The following SPON1 variants were observed in gnomAD, a reference collection of about 807,000 sequenced individuals.
SPON1 encodes the protein spondin 1.
In SPON1, 52 loss-of-function variants were observed where a neutral mutation model predicts 111.7. That is an observed-to-expected ratio of 0.47 (90% CI 0.37 to 0.59). The LOEUF is 0.59. SPON1 is among the 20% of genes least tolerant of loss of function. The probability of loss-of-function intolerance (pLI) is 0.00; values close to 1 mark genes in which losing one functional copy is unlikely to be tolerated. For missense variants in SPON1, 957 were observed against 1,068.5 expected (o/e 0.90, Z 1.46); for synonymous variants, 410 against 395.8 (o/e 1.04, Z -0.43).
At chr11:14,091,698 C>T (rs1363117525) in intron 5 of SPON1, among the ~76,000 whole-genome samples, 3 of 152,270 alleles carry the variant, frequency 2.0e-5, no homozygotes, top group Admixed American at 1.3e-4. Flanking sequence ...CCGGTTCTCG[C>T]TCGCACCTTT....
intron 1 of SPON1, among the ~76,000 whole-genome samples, chr11:13,980,684 A>T (rs1257131434): frequency 6.6e-6 from 1 of 152,218 alleles, no homozygotes; most frequent in East Asian, 1.9e-4. Context: ...CCCCTCTTTA[A>T]CAGGAGGCTG....
Position 14,153,708 on chromosome 11 carries a change from G to T in SPON1, c.825+18140G>T, listed in dbSNP as rs1554930123. Among the ~76,000 whole-genome samples, 3 of 152,254 alleles carry T rather than the reference G, an allele frequency of 2.0e-5. No individual in the cohort carries two copies. The South Asian group carries it at 6.2e-4, about 32-fold the overall frequency. On this transcript the variant is annotated intron_variant, in intron 6 of 15. Coordinates refer to ENST00000576479, the MANE Select transcript of SPON1 (RefSeq NM_006108.4). ...CATGCCTTCCCAACAGTCTCCCAAA[G>T]TCTTAACTCATTCCAGATTAATTCA...
rs1447959497 is a variant in SPON1, at chr11:14,252,318, CAG to C, written c.891-2207_891-2206del. Among the ~76,000 whole-genome samples the C allele has an allele frequency of 4.0e-5, 6 of 148,596 alleles. No homozygotes were observed. In the East Asian group the frequency reaches 6.1e-4, roughly 15 times the overall value. On this transcript the variant is annotated intron_variant, in intron 7 of 15. Coordinates refer to ENST00000576479, the MANE Select transcript of SPON1 (RefSeq NM_006108.4). Reference sequence around the variant, plus strand: ...GCCTCAGCCGAAGGCAAGACCTGCGCAGAGTGTGGGAATCCAGCGCTATGTAT... The same window carrying C: ...GCCTCAGCCGAAGGCAAGACCTGCGCAGTGTGGGAATCCAGCGCTATGTAT...
chr11:14,217,957 A>T (rs10741642), intron 6 of SPON1, among the ~76,000 whole-genome samples: 71,385 of 151,920 alleles, frequency 0.47, 17,462 homozygotes, highest in Middle Eastern at 0.58. Flanking sequence ...GCCCCAGCCT[A>T]CACCTACTGA....
chr11:14,258,105 T>C (rs1849130388), intron 11 of SPON1, among the ~76,000 whole-genome samples: 1 of 152,242 alleles, frequency 6.6e-6, no homozygotes, highest in African/African-American at 2.4e-5. Flanking sequence ...ATTCTTGAGA[T>C]TGACCACCCC....
At chr11:14,125,966 G>A (rs1554926961) in intron 5 of SPON1, among the ~76,000 whole-genome samples, 1 of 152,180 alleles carries the variant, frequency 6.6e-6, no homozygotes, top group East Asian at 1.9e-4. Flanking sequence ...GAAGACCCAG[G>A]AAAAGCCAGT....
At chr11:14,082,905 G>A (rs1325660910) in intron 5 of SPON1, among the ~76,000 whole-genome samples, 1 of 152,056 alleles carries the variant, frequency 6.6e-6, no homozygotes, top group East Asian at 1.9e-4. Context: ...CCAAAACACT[G>A]CTTTCTCTAC....
chr11:14,256,408 C>A (rs1174510854), intron 9 of SPON1, among the ~76,000 whole-genome samples: 7 of 152,166 alleles, frequency 4.6e-5, no homozygotes, highest in African/African-American at 1.7e-4. Context: ...GTGGTGGTAC[C>A]CAAGTTATGT....
intron 2 of SPON1, among the ~76,000 whole-genome samples, chr11:13,986,989 C>A (rs1473959944): frequency 2.0e-5 from 3 of 152,078 alleles, no homozygotes; most frequent in Non-Finnish European, 2.9e-5. Flanking sequence ...TTGGTTCCAA[C>A]TTTTTGCTAT....
chr11:13,989,700 T>C (rs1848212777), intron 2 of SPON1, among the ~76,000 whole-genome samples: 1 of 152,250 alleles, frequency 6.6e-6, no homozygotes, highest in Admixed American at 6.5e-5. Flanking sequence ...TAAATTTCCC[T>C]CTATACACTG....
intron 6 of SPON1, among the ~76,000 whole-genome samples, chr11:14,166,582 G>C (rs782214741): frequency 1.4e-4 from 21 of 152,036 alleles, no homozygotes; most frequent in Non-Finnish European, 2.5e-4. Flanking sequence ...TTTTGAAAAG[G>C]ACCAAAACAA....
chr11:13,970,584 T>C (rs942326763), intron 1 of SPON1, among the ~76,000 whole-genome samples: 2 of 152,066 alleles, frequency 1.3e-5, no homozygotes, highest in Non-Finnish European at 2.9e-5. Flanking sequence ...AGGAAGCTCT[T>C]TTCTCCTCCT....
intron 5 of SPON1, among the ~76,000 whole-genome samples, chr11:14,113,316 C>A (rs1401408053): frequency 3.3e-5 from 5 of 152,202 alleles, no homozygotes; most frequent in Admixed American, 6.5e-5. Context: ...CCAGCTACCA[C>A]AATGGGCTGC....
At chr11:14,047,322 GA>G (rs1261800541) in intron 3 of SPON1, among the ~76,000 whole-genome samples, 1 of 152,128 alleles carries the variant, frequency 6.6e-6, no homozygotes, top group Non-Finnish European at 1.5e-5. Context: ...TCAAGTTGAG[GA>G]AGACCCTTTA....
At chr11:14,033,358 G>A (rs193120598) in intron 2 of SPON1, among the ~76,000 whole-genome samples, 27 of 152,302 alleles carry the variant, frequency 1.8e-4, no homozygotes, top group Middle Eastern at 3.4e-3. Context: ...GCCCACCCAC[G>A]TGTTAGAACG....
At chr11:14,060,755 A>G (rs1248305207) in intron 3 of SPON1, among the ~76,000 whole-genome samples, 1 of 152,230 alleles carries the variant, frequency 6.6e-6, no homozygotes, top group Non-Finnish European at 1.5e-5. Flanking sequence ...GCACATCACA[A>G]GCACTCAGTA....
intron 6 of SPON1, among the ~76,000 whole-genome samples, chr11:14,160,073 T>C (rs1224045689): frequency 6.6e-6 from 1 of 151,934 alleles, no homozygotes. Context: ...AAAGGATAAA[T>C]GCTTGAGGGA....
At chr11:13,990,373 C>CTTTTTT (rs1159719282) in intron 2 of SPON1, among the ~76,000 whole-genome samples, 7 of 21,706 alleles carry the variant, frequency 3.2e-4, no homozygotes, top group African/African-American at 7.7e-4. Context: ...GCAACTCCTG[C>CTTTTTT]TTTTTTTTTT....
chr11:14,024,492 G>C (rs1009147503), intron 2 of SPON1, among the ~76,000 whole-genome samples: 1 of 152,148 alleles, frequency 6.6e-6, no homozygotes, highest in Non-Finnish European at 1.5e-5. Flanking sequence ...CCCAGTGGCA[G>C]ACTGTCCTCT....
Sources: allele counts gnomAD v4.1 joint callset (sites outside exome capture counted in the v4.1 genomes callset), GRCh38; gene constraint gnomAD v4.1.1; transcripts MANE v1.5; gene names NCBI Gene and HGNC (gene_info 2026-07-23, HGNC 2026-07-21).